The following BICC1 variants were observed in gnomAD, a reference collection of about 807,000 sequenced individuals.
The protein encoded by BICC1 is protein bicaudal C homolog 1.
Under a neutral mutation model 111.0 loss-of-function variants are expected in BICC1, and 43 were observed. The ratio of observed to expected loss-of-function variants is 0.39; its 90% CI spans 0.30 to 0.50. The LOEUF is 0.50. Ranked by LOEUF, BICC1 falls within the 20% of genes least tolerant of loss-of-function variation. BICC1 has a pLI of 0.88. For missense variants in BICC1, 1,091 were observed against 1,203.2 expected (o/e 0.91, Z 1.38); for synonymous variants, 467 against 434.4 (o/e 1.07, Z -0.93).
rs749785553 is a variant in BICC1 at position 58,789,697 on chromosome 10, C to G, written c.811C>G (p.Leu271Val). Residue 271 changes from leucine (L) to valine (V), a missense_variant, in exon 8 of 21, where the codon CTG (leucine) becomes GTG (valine). By Grantham distance (32) the Leu-to-Val change is conservative. Transcript: ENST00000373886. ...TTTCTCTTAGGAAGGAACTGCCATGCTGTTAGAACATCTTGCTGGGAGCTT... is the reference window on the plus strand; with the variant it reads ...TTTCTCTTAGGAAGGAACTGCCATGGTGTTAGAACATCTTGCTGGGAGCTT... ...TSAVKEGTAM[L>V]LEHLAGSLAS... 9.3e-6 allele frequency: 15 copies of G among 1,614,144 alleles called. No homozygotes were observed. The highest frequency in any genetic ancestry group is 1.3e-5 in the Non-Finnish European group (15 of 1,180,020).
chr10:58,814,083 A>G, intron 18 of BICC1, 97 bp downstream of exon 18: 1 of 1,388,568 alleles, frequency 7.2e-7, no homozygotes. Flanking sequence ...TCTGACTTCA[A>G]GTGCTTGGTG....
At chr10:58,825,155 A>G (rs919487737) in intron 20 of BICC1, among the ~76,000 whole-genome samples, 1 of 152,122 alleles carries the variant, frequency 6.6e-6, no homozygotes, top group Non-Finnish European at 1.5e-5. Context: ...TTTTTTATTC[A>G]AAGAAACCTA....
rs1371770660 is a variant in BICC1 at position 58,829,221 on chromosome 10, T to TTTTTTTTTA, written c.*331_*332insTTTTTTTAT. On this transcript the variant is annotated 3_prime_UTR_variant, in exon 21 of 21. Coordinates refer to ENST00000373886, the MANE Select transcript of BICC1 (RefSeq NM_001080512.3). ...TTTTTTTTTTTTTTTTTTTTTTTTTTTACTTAAAATGAAGGATGAATTGAC... is the reference window on the plus strand; with the variant it reads ...TTTTTTTTTTTTTTTTTTTTTTTTTTTTTTTTTTATACTTAAAATGAAGGATGAATTGAC... 2 of 153,410 alleles carry TTTTTTTTTA rather than the reference T, an allele frequency of 1.3e-5. No homozygotes were observed. The highest frequency in any genetic ancestry group is 5.2e-5 in the African/African-American group (2 of 38,288). 9.5% of individuals were successfully genotyped at this position (153,410 alleles called of 1,614,324 possible).
intron 3 of BICC1, among the ~76,000 whole-genome samples, chr10:58,755,540 G>C (rs1203174252): frequency 6.6e-6 from 1 of 152,018 alleles, no homozygotes; most frequent in African/African-American, 2.4e-5. Context: ...TCTGCTTTAG[G>C]GATTTTCTGT....
intron 1 of BICC1, among the ~76,000 whole-genome samples, chr10:58,615,136 C>T (rs1336901535): frequency 2.0e-5 from 3 of 151,314 alleles, no homozygotes; most frequent in Admixed American, 6.6e-5. Context: ...CCTGGGTGTT[C>T]GCTTTAGCTA....
chr10:58,548,658 G>A (rs1203164905), intron 1 of BICC1, among the ~76,000 whole-genome samples: 3 of 151,992 alleles, frequency 2.0e-5, no homozygotes, highest in Non-Finnish European at 2.9e-5. Context: ...GAAACCCCTG[G>A]CAATGATTGA....
intron 1 of BICC1, among the ~76,000 whole-genome samples, chr10:58,523,069 A>G (rs984857412): frequency 6.6e-5 from 10 of 152,210 alleles, no homozygotes; most frequent in African/African-American, 2.4e-4. Context: ...TTAATAGCTT[A>G]CCAACCAAAA....
chr10:58,755,966 T>C (rs1186320732), intron 3 of BICC1, among the ~76,000 whole-genome samples: 1 of 152,232 alleles, frequency 6.6e-6, no homozygotes, highest in Non-Finnish European at 1.5e-5. Flanking sequence ...GTTCTATGTC[T>C]GTTTTCACCC....
At chr10:58,594,695 A>C (rs1293937531) in intron 1 of BICC1, among the ~76,000 whole-genome samples, 1 of 152,234 alleles carries the variant, frequency 6.6e-6, no homozygotes, top group East Asian at 1.9e-4. Flanking sequence ...TGTCACCACT[A>C]GGCCTGCCTT....
At chr10:58,529,329 A>T (rs1169603786) in intron 1 of BICC1, among the ~76,000 whole-genome samples, 1 of 151,902 alleles carries the variant, frequency 6.6e-6, no homozygotes, top group Non-Finnish European at 1.5e-5. Flanking sequence ...AAATTTCAAT[A>T]AAAAATACAT....
At position 58,771,985 on chromosome 10, in the gene BICC1, G is replaced by C. The variant is rs138763895; in HGVS notation, c.308-13016G>C. Among the ~76,000 whole-genome samples the C allele has an allele frequency of 2.1e-3, 326 of 152,264 alleles. 1 individual carries two copies. Among genetic ancestry groups the C allele is most frequent in the African/African-American group, 7.3e-3 (305 of 41,556 alleles). Reference sequence around the variant, plus strand: ...TAGGAGGAATGTTACATAGAAGAAAGCATGCCAGGAGTGGGAAGTTTTTAC... The same window carrying C: ...TAGGAGGAATGTTACATAGAAGAAACCATGCCAGGAGTGGGAAGTTTTTAC... On this transcript the variant is annotated intron_variant, in intron 3 of 20. Coordinates refer to ENST00000373886, the MANE Select transcript of BICC1 (RefSeq NM_001080512.3).
chr10:58,784,972 C>A, intron 3 of BICC1, 29 bp from the exon 4 acceptor site: 1 of 1,318,678 alleles, frequency 7.6e-7, no homozygotes, highest in South Asian at 1.3e-5. Flanking sequence ...TTGGGAGTTT[C>A]ACACAAGCCT....
At chr10:58,614,494 A>G (rs1845537965) in intron 1 of BICC1, among the ~76,000 whole-genome samples, 1 of 152,218 alleles carries the variant, frequency 6.6e-6, no homozygotes, top group African/African-American at 2.4e-5. Flanking sequence ...CTGCCAGTGA[A>G]TGTAATTTGC....
intron 1 of BICC1, among the ~76,000 whole-genome samples, chr10:58,593,610 T>A (rs746216314): frequency 9.3e-4 from 141 of 151,860 alleles, no homozygotes; most frequent in Middle Eastern, 3.4e-3. Flanking sequence ...GGGTCGGGAG[T>A]GGACCTCCAG....
intron 1 of BICC1, among the ~76,000 whole-genome samples, chr10:58,602,193 T>G (rs889160878): frequency 2.0e-5 from 3 of 152,148 alleles, no homozygotes; most frequent in Non-Finnish European, 2.9e-5. Context: ...ATAATACTTA[T>G]AGGACCACTA....
chr10:58,789,104 G>GA (rs369201209), intron 6 of BICC1, among the ~76,000 whole-genome samples, 158 bp from the exon 7 acceptor site: 87 of 144,350 alleles, frequency 6.0e-4, no homozygotes, highest in Middle Eastern at 3.6e-3. Flanking sequence ...AAACAGAAAG[G>GA]AAAAAAAAAA....
intron 1 of BICC1, among the ~76,000 whole-genome samples, chr10:58,533,561 C>T (rs1017790152): frequency 6.6e-6 from 1 of 151,276 alleles, no homozygotes; most frequent in Non-Finnish European, 1.5e-5. Flanking sequence ...GAAAAAAAAA[C>T]CTGACAATCA....
At chr10:58,600,389 G>T (rs1400932099) in intron 1 of BICC1, among the ~76,000 whole-genome samples, 1 of 152,036 alleles carries the variant, frequency 6.6e-6, no homozygotes, top group African/African-American at 2.4e-5. Flanking sequence ...GAGAGATTCA[G>T]GCTGTCTCTA....
chr10:58,684,907 G>T (rs1839665087), intron 2 of BICC1, among the ~76,000 whole-genome samples: 1 of 151,942 alleles, frequency 6.6e-6, no homozygotes, highest in African/African-American at 2.4e-5. Context: ...ATTGCCTTCT[G>T]CTAGCTTTTG....
Sources: allele counts gnomAD v4.1 joint callset (sites outside exome capture counted in the v4.1 genomes callset), GRCh38; gene constraint gnomAD v4.1.1; transcripts MANE v1.5; gene names NCBI Gene and HGNC (gene_info 2026-07-23, HGNC 2026-07-21).